Variants in VPS29 observed in about 807,000 individuals in gnomAD.
The protein encoded by VPS29 is vacuolar protein sorting-associated protein 29.
A neutral mutation model predicts 20.0 loss-of-function variants in VPS29; 2 were observed. The observed-to-expected ratio is 0.10, with a 90% CI of 0.04 to 0.31. The LOEUF is 0.31. VPS29 is among the 10% of genes least tolerant of loss of function. The probability of loss-of-function intolerance (pLI) is 1.00; values close to 1 mark genes in which losing one functional copy is unlikely to be tolerated. For synonymous variants in VPS29, 81 were observed against 79.3 expected (o/e 1.02, Z -0.12); for missense variants, 120 against 215.3 (o/e 0.56, Z 2.77).
At chr12:110,501,543 T>G (rs1181689477) in intron 1 of VPS29, 3 of 1,534,830 alleles carry the variant, frequency 2.0e-6, no homozygotes, top group Non-Finnish European at 2.6e-6. Flanking sequence ...GCGAGGAGGG[T>G]GGTTTATTCC....
chr12:110,495,609 A>AGGCAGGAGAATCGGTTG (rs1437566996), intron 2 of VPS29, among the ~76,000 whole-genome samples: 3 of 152,100 alleles, frequency 2.0e-5, no homozygotes, highest in Non-Finnish European at 4.4e-5. Context: ...TTGGGAGGTT[A>AGGCAGGAGAATCGGTTG]GGCAGGAGAA....
At chr12:110,501,950 G>C (rs746353635) in intron 1 of VPS29, 99 bp downstream of exon 1, 10 of 1,609,322 alleles carry the variant, frequency 6.2e-6, no homozygotes, top group Non-Finnish European at 6.8e-6. Context: ...GAGGCCTCCG[G>C]GATTTCCCAA....
intron 2 of VPS29, among the ~76,000 whole-genome samples, chr12:110,495,423 A>T (rs564908962): frequency 6.6e-6 from 1 of 152,192 alleles, no homozygotes; most frequent in Non-Finnish European, 1.5e-5. Flanking sequence ...AAAACTTTAT[A>T]AACTTGGCTG....
At chr12:110,501,649 C>T (rs1198737470) in intron 1 of VPS29, 23 of 1,529,496 alleles carry the variant, frequency 1.5e-5, no homozygotes, top group Non-Finnish European at 2.0e-5. Context: ...ACACCCCAAC[C>T]AGCGGGAGGT....
chr12:110,499,582 G>T (rs758521919), intron 1 of VPS29: 49 of 1,533,924 alleles, frequency 3.2e-5, no homozygotes, highest in Non-Finnish European at 3.9e-5. Context: ...CAGACAGGGG[G>T]GATGAAAAAA....
chr12:110,496,552 AT>A (rs1483210688), intron 1 of VPS29: 1 of 169,284 alleles, frequency 5.9e-6, no homozygotes, highest in Non-Finnish European at 1.3e-5. Context: ...GAAATCAAGC[AT>A]TCTAAAGTGA....
chr12:110,501,257 A>T (rs2063031056), intron 1 of VPS29, among the ~76,000 whole-genome samples: 1 of 152,090 alleles, frequency 6.6e-6, no homozygotes, highest in Admixed American at 6.6e-5. Context: ...GGAAGGTCTG[A>T]GGGGCACCAA....
intron 1 of VPS29, among the ~76,000 whole-genome samples, chr12:110,497,207 C>CTTTTTTTTTTTT (rs71083128): frequency 2.6e-5 from 2 of 77,214 alleles, no homozygotes. Context: ...AAATTTCTTT[C>CTTTTTTTTTTTT]TTTTTTTTTT....
chr12:110,499,292 A>C (rs1330687072), intron 1 of VPS29: 1 of 455,258 alleles, frequency 2.2e-6, no homozygotes, highest in Non-Finnish European at 3.9e-6. Context: ...TCATACTTTG[A>C]AACATGTTCC....
Position 110,494,455 on chromosome 12 carries a change from C to A in VPS29, c.196-1224G>T, listed in dbSNP as rs543094062. Among the ~76,000 whole-genome samples the A allele has an allele frequency of 4.0e-5, 6 of 151,794 alleles. No individual in the cohort carries two copies. In the East Asian group the frequency reaches 9.8e-4, roughly 25 times the overall value. The stretch of plus-strand genomic sequence containing the variant: ...ATTTTTAGTGGAGACAGGGGTTCAC[C>A]GTGTTAGCCAGGATGGTCTCGATCT... On this transcript the variant is annotated intron_variant, in intron 2 of 3. Transcript: ENST00000549578.
intron 1 of VPS29, among the ~76,000 whole-genome samples, chr12:110,498,126 T>C (rs753920927): frequency 9.9e-5 from 15 of 151,882 alleles, no homozygotes; most frequent in Non-Finnish European, 2.1e-4. Flanking sequence ...CGCTCTCCAC[T>C]ACACCCAGCT....
At position 110,499,451 on chromosome 12, in the gene VPS29, A is replaced by G. The variant is rs868386454; in HGVS notation, c.3+2598T>C. 6.9e-6 allele frequency: 11 copies of G among 1,585,436 alleles called. No individual in the cohort carries two copies. The Middle Eastern group carries it at 1.2e-3, about 169-fold the overall frequency. ...ATGGGAATTCGGTTACTTCCTTTCAACAGACCTTAAAAGGGTAAGAAATCC... is the reference window on the plus strand; with the variant it reads ...ATGGGAATTCGGTTACTTCCTTTCAGCAGACCTTAAAAGGGTAAGAAATCC... On this transcript the variant is annotated intron_variant, in intron 1 of 3. Transcript: ENST00000549578.
At chr12:110,501,020 A>T (rs2063017835) in intron 1 of VPS29, among the ~76,000 whole-genome samples, 1 of 152,126 alleles carries the variant, frequency 6.6e-6, no homozygotes, top group Non-Finnish European at 1.5e-5. Context: ...TCTCTACTAA[A>T]AATACAAAAA....
intron 2 of VPS29, among the ~76,000 whole-genome samples, chr12:110,494,489 C>T (rs889210569): frequency 6.6e-6 from 1 of 151,738 alleles, no homozygotes; most frequent in Non-Finnish European, 1.5e-5. Flanking sequence ...CTCCTGACCT[C>T]GTGATCCACC....
At chr12:110,499,352 T>C (rs2062957416) in intron 1 of VPS29, 3 of 775,940 alleles carry the variant, frequency 3.9e-6, no homozygotes, top group South Asian at 5.0e-5. Flanking sequence ...GATGATAGAG[T>C]CCTTTAAGAA....
intron 2 of VPS29, among the ~76,000 whole-genome samples, 192 bp from the exon 3 acceptor site, chr12:110,493,423 C>A (rs1592990734): frequency 6.6e-6 from 1 of 151,020 alleles, no homozygotes; most frequent in Non-Finnish European, 1.5e-5. Context: ...GCAGTGGTAC[C>A]ATCTTGGCTC....
At chr12:110,499,426 A>G (rs2062958615) in intron 1 of VPS29, 4 of 1,483,132 alleles carry the variant, frequency 2.7e-6, no homozygotes, top group Middle Eastern at 1.7e-4. Context: ...CAATCAAAGC[A>G]TGGGAATTCG....
In VPS29 at chr12:110,496,065, A is replaced by G. The variant is rs769616116; in HGVS notation, c.142T>C (p.Tyr48His). The G allele has an allele frequency of 6.2e-7, 1 of 1,611,134 alleles. No homozygotes were observed. Among genetic ancestry groups the G allele is most frequent in the Non-Finnish European group, 8.5e-7 (1 of 1,177,548 alleles). The change falls in exon 2 of 4, where the codon TAT (tyrosine) becomes CAT (histidine). Residue 48 changes from tyrosine to histidine, a missense_variant. Physicochemically the swap from Tyr to His is moderately conservative, Grantham distance 83. Transcript: ENST00000549578. ...ACATCACCAGCCAGAGTCTTGAGAT[A>G]GTCATAACTCTCTTTGGTGCAAAGG... Reference protein sequence around the residue: ...GNLCTKESYDYLKTLAGDVHI... With the variant: ...GNLCTKESYDHLKTLAGDVHI...
At chr12:110,494,486 C>T (rs1167017243) in intron 2 of VPS29, among the ~76,000 whole-genome samples, 1 of 151,822 alleles carries the variant, frequency 6.6e-6, no homozygotes, top group African/African-American at 2.4e-5. Flanking sequence ...GATCTCCTGA[C>T]CTCGTGATCC....
Sources: gnomAD v4.1 joint callset for allele counts (sites outside exome capture counted in the v4.1 genomes callset) on GRCh38, gnomAD v4.1.1 for gene constraint, MANE v1.5 for transcripts, NCBI Gene and HGNC (gene_info 2026-07-23, HGNC 2026-07-21) for gene names.